TLK2: variants seen among roughly 807,000 people sequenced by gnomAD.
TLK2 encodes the protein tousled like kinase 2.
Under a neutral mutation model 117.3 loss-of-function variants are expected in TLK2, and 6 were observed. That is an observed-to-expected ratio of 0.05 (90% CI 0.03 to 0.10). The LOEUF (loss-of-function observed/expected upper bound fraction) is 0.10, where lower values mean the gene tolerates loss of function less well. Ranked by LOEUF, TLK2 falls within the 10% of genes least tolerant of loss-of-function variation. The pLI is 1.00. For synonymous variants in TLK2, 257 were observed against 316.7 expected, an observed-to-expected ratio of 0.81 and a Z score of 2.00; for missense variants, 299 against 901.2, an observed-to-expected ratio of 0.33 and a Z score of 8.56.
chr17:62,512,257 T>C (rs1031538026), intron 2 of TLK2, among the ~76,000 whole-genome samples: 4 of 147,058 alleles, frequency 2.7e-5, no homozygotes, highest in South Asian at 2.3e-4. Context: ...GTTTTGCTCT[T>C]ATTGCCCAGG....
At chr17:62,485,067 G>T (rs1189239339) in intron 2 of TLK2, among the ~76,000 whole-genome samples, 1 of 152,130 alleles carries the variant, frequency 6.6e-6, no homozygotes, top group Non-Finnish European at 1.5e-5. Flanking sequence ...ATATCACTGT[G>T]TTGATGACAG....
chr17:62,481,074 T>C, intron 1 of TLK2, 47 bp from the exon 2 acceptor site: 1 of 1,589,364 alleles, frequency 6.3e-7, no homozygotes, highest in Non-Finnish European at 8.6e-7. Flanking sequence ...AATTGCCTCC[T>C]CACATTTTAG....
Position 62,546,723 on chromosome 17 carries a change from T to G in TLK2, c.532-5579T>G, listed in dbSNP as rs940020163. On this transcript the variant is annotated intron_variant, in intron 7 of 21. Coordinates refer to ENST00000346027, the MANE Select transcript of TLK2 (RefSeq NM_006852.6). ...GGCACATACCACCACACCCAGCTAA[T>G]TTTTAAAAATATTTTTAGTAGAGAC... Among the ~76,000 whole-genome samples the G allele has an allele frequency of 5.3e-5, 8 of 151,738 alleles. No individual in the cohort carries two copies. In the South Asian group the frequency reaches 6.2e-4, roughly 12 times the overall value.
At chr17:62,522,885 A>G (rs2076136615) in intron 4 of TLK2, among the ~76,000 whole-genome samples, 1 of 152,186 alleles carries the variant, frequency 6.6e-6, no homozygotes, top group African/African-American at 2.4e-5. Flanking sequence ...AATTCTCCCA[A>G]AGTGACAAGA....
At chr17:62,611,080 A>G (rs150783580) in intron 21 of TLK2, among the ~76,000 whole-genome samples, 14 of 152,226 alleles carry the variant, frequency 9.2e-5, no homozygotes, top group East Asian at 3.9e-4. Flanking sequence ...TGAGAGTACA[A>G]TGAGCTATGA....
rs557316210 is a variant in TLK2 at position 62,569,582 on chromosome 17, C to T, written c.969-3633C>T. 3.3e-3 allele frequency among the ~76,000 whole-genome samples: 498 copies of T among 151,398 alleles called. 2 individuals are homozygous for T. Among genetic ancestry groups the T allele is most frequent in the Middle Eastern group, 6.8e-3 (2 of 294 alleles). On this transcript the variant is annotated intron_variant, in intron 11 of 21. Transcript: ENST00000346027. ...TCCTGAGTAGCTGGGACTACAGGCA[C>T]ACACCACCACTCCTGGCTAATTTTT...
intron 7 of TLK2, among the ~76,000 whole-genome samples, chr17:62,541,028 C>T (rs551848065): frequency 2.6e-5 from 4 of 152,278 alleles, no homozygotes; most frequent in African/African-American, 9.6e-5. Flanking sequence ...GGGGCCTTTG[C>T]GTTGGCTGTT....
Position 62,556,752 on chromosome 17 carries a change from C to T in TLK2, c.720+2997C>T, listed in dbSNP as rs111700715. The stretch of plus-strand genomic sequence containing the variant: ...ATTATGTCTAACTATGCTTTTATCC[C>T]TCTTTATATTGGTTTCTTCTTGACT... On this transcript the variant is annotated intron_variant, in intron 9 of 21. Coordinates refer to ENST00000346027, the MANE Select transcript of TLK2 (RefSeq NM_006852.6). Among the ~76,000 whole-genome samples the T allele has an allele frequency of 8.0e-3, 1,180 of 146,766 alleles. 7 individuals carry two copies. Among genetic ancestry groups the T allele is most frequent in the Non-Finnish European group, 0.013 (887 of 67,972 alleles).
At chr17:62,522,322 G>C (rs1158134661) in intron 4 of TLK2, 49 bp downstream of exon 4, 7 of 1,561,798 alleles carry the variant, frequency 4.5e-6, no homozygotes, top group Non-Finnish European at 6.1e-6. Flanking sequence ...AATGTACTTA[G>C]ATAGAATTTT....
At chr17:62,518,065 C>T (rs1007019184) in intron 2 of TLK2, among the ~76,000 whole-genome samples, 1 of 152,092 alleles carries the variant, frequency 6.6e-6, no homozygotes, top group African/African-American at 2.4e-5. Flanking sequence ...TTGTTTTGTC[C>T]GTTTGGGGTT....
intron 19 of TLK2, among the ~76,000 whole-genome samples, chr17:62,602,964 C>T (rs764784325): frequency 3.3e-5 from 5 of 152,052 alleles, no homozygotes; most frequent in Non-Finnish European, 7.4e-5. Flanking sequence ...TAAAGAATGG[C>T]CCCCAGTTTT....
chr17:62,511,905 T>C (rs1366003045), intron 2 of TLK2, among the ~76,000 whole-genome samples: 2 of 152,206 alleles, frequency 1.3e-5, no homozygotes, highest in Non-Finnish European at 2.9e-5. Context: ...CCAACATGTT[T>C]TTCTTTCTCT....
chr17:62,598,785 A>G (rs1395710529), intron 17 of TLK2, among the ~76,000 whole-genome samples: 1 of 151,860 alleles, frequency 6.6e-6, no homozygotes, highest in Non-Finnish European at 1.5e-5. Context: ...GGCCTCCCAA[A>G]GTCCTGGGAT....
intron 16 of TLK2, among the ~76,000 whole-genome samples, chr17:62,594,986 G>A (rs1050921492): frequency 1.3e-5 from 2 of 152,086 alleles, no homozygotes; most frequent in Non-Finnish European, 2.9e-5. Flanking sequence ...TTTTGAGACG[G>A]AGTCTAACTT....
At chr17:62,554,145 T>C (rs2078675163) in intron 9 of TLK2, among the ~76,000 whole-genome samples, 1 of 152,232 alleles carries the variant, frequency 6.6e-6, no homozygotes, top group African/African-American at 2.4e-5. Flanking sequence ...GTACCTTTTA[T>C]AACCTACTCA....
intron 12 of TLK2, chr17:62,574,350 C>T (rs147456658): frequency 1.3e-6 from 2 of 1,547,802 alleles, no homozygotes; most frequent in African/African-American, 1.4e-5. Flanking sequence ...GCTAGGCCCT[C>T]TTCTGGGAAT....
rs999440614 is a variant in TLK2 at position 62,516,687 on chromosome 17, G to A, written c.82-4086G>A. ...CCAGCTCCGGGTGCTTAGGCATGTG[G>A]ACATCCTTCTTGGCCACCATGACTC... On this transcript the variant is annotated intron_variant, in intron 2 of 21. Transcript: ENST00000346027. 38 of 1,608,808 alleles carry A rather than the reference G, an allele frequency of 2.4e-5. No homozygotes were observed. In the African/African-American group the frequency reaches 4.8e-4, roughly 20 times the overall value.
rs1311571178 is a variant in TLK2, at chr17:62,522,100, A to T, written c.154-104A>T. Reference sequence around the variant, plus strand: ...CAGTGATTCAGGACTTGTCTGGGCCAGTTATATCTGTTTATATATTCAATA... The same window carrying T: ...CAGTGATTCAGGACTTGTCTGGGCCTGTTATATCTGTTTATATATTCAATA... On this transcript the variant is annotated intron_variant, in intron 3 of 21. Coordinates refer to ENST00000346027, the MANE Select transcript of TLK2 (RefSeq NM_006852.6). 4 of 1,211,014 alleles carry T rather than the reference A, an allele frequency of 3.3e-6. No individual in the cohort carries two copies. The African/African-American group carries it at 6.1e-5, about 19-fold the overall frequency. The allele number at this position is 1,211,014 out of a possible 1,614,324, so 75.0% of individuals were successfully genotyped here. A position where few individuals can be genotyped will look rare whatever the true frequency, so the allele number is the denominator to read the frequency against.
intron 16 of TLK2, among the ~76,000 whole-genome samples, chr17:62,591,653 G>A (rs4968645): frequency 0.67 from 102,023 of 152,050 alleles, 34,419 homozygotes; most frequent in East Asian, 0.82. Context: ...TGGCAGCTTG[G>A]AAACTAAGCC....
Sources: gnomAD v4.1 joint callset for allele counts (sites outside exome capture counted in the v4.1 genomes callset) on GRCh38, gnomAD v4.1.1 for gene constraint, MANE v1.5 for transcripts, NCBI Gene and HGNC (gene_info 2026-07-23, HGNC 2026-07-21) for gene names.